The following MYO1A variants were observed in gnomAD, a reference collection of about 807,000 sequenced individuals.
The protein encoded by MYO1A is unconventional myosin-Ia.
Under a neutral mutation model 138.5 loss-of-function variants are expected in MYO1A, and 127 were observed. The ratio of observed to expected loss-of-function variants is 0.92; its 90% CI spans 0.79 to 1.06. The LOEUF (loss-of-function observed/expected upper bound fraction) is 1.06, where lower values mean the gene tolerates loss of function less well. MYO1A is among the 50% of genes least tolerant of loss of function. MYO1A has a pLI of 0.00. For missense variants in MYO1A, 1,211 were observed against 1,288.8 expected (o/e 0.94, Z 0.92); for synonymous variants, 477 against 497.5 (o/e 0.96, Z 0.55).
chr12:57,043,396 A>T, intron 10 of MYO1A, 38 bp from the exon 11 acceptor site: 1 of 1,591,338 alleles, frequency 6.3e-7, no homozygotes, highest in Non-Finnish European at 8.6e-7. Flanking sequence ...CCTTAGAGGC[A>T]GCTTTCTCTC....
chr12:57,029,350 G>A, intron 26 of MYO1A, 85 bp downstream of exon 26: 1 of 1,613,004 alleles, frequency 6.2e-7, no homozygotes, highest in Non-Finnish European at 8.5e-7. Flanking sequence ...CGAAAGGTCT[G>A]GTCCCCATCA....
Position 57,037,543 on chromosome 12 carries a change from C to T in MYO1A, c.2055+5G>A. 4.3e-6 allele frequency: 7 copies of T among 1,613,802 alleles called. No homozygotes were observed. The highest frequency in any genetic ancestry group is 5.1e-6 in the Non-Finnish European group (6 of 1,179,690). Reference sequence around the variant, plus strand: ...CACCAAATGCTAATGCACTCTCTAACTCACAGTCTTGGGGCTTCTAATGAA... The same window carrying T: ...CACCAAATGCTAATGCACTCTCTAATTCACAGTCTTGGGGCTTCTAATGAA... On this transcript the variant is annotated splice_donor_5th_base_variant and intron_variant, in intron 19 of 27. Coordinates refer to ENST00000300119, the MANE Select transcript of MYO1A (RefSeq NM_005379.4).
intron 22 of MYO1A, among the ~76,000 whole-genome samples, chr12:57,035,113 T>C (rs1168508898): frequency 6.6e-6 from 1 of 151,982 alleles, no homozygotes; most frequent in Non-Finnish European, 1.5e-5. Context: ...GGGGGTGTGA[T>C]TTATTGAGAC....
At chr12:57,041,542 A>C (rs1261437353) in intron 12 of MYO1A, 45 bp from the exon 13 acceptor site, 1 of 1,529,710 alleles carries the variant, frequency 6.5e-7, no homozygotes, top group Non-Finnish European at 9.1e-7. Flanking sequence ...CCCCCTCTGC[A>C]CACCAGGCCA....
chr12:57,029,432 T>A lies in MYO1A; in HGVS notation c.2877+3A>T. 6.2e-7 allele frequency: 1 copy of A among 1,614,098 alleles called. No individual in the cohort carries two copies. The highest frequency in any genetic ancestry group is 1.3e-5 in the African/African-American group (1 of 75,032). On this transcript the variant is annotated splice_donor_region_variant and intron_variant, in intron 26 of 27. Transcript: ENST00000300119. ...CAAGGCTTGCCCCACCCAGCTCTGA[T>A]ACCTCACTCAGATGCAAGCTAAAGA...
At chr12:57,030,098 G>A (rs1241883213) in intron 24 of MYO1A, 112 bp downstream of exon 24, 4 of 1,245,188 alleles carry the variant, frequency 3.2e-6, no homozygotes, top group South Asian at 1.2e-5. Context: ...AGACTCTGAG[G>A]AGGGACACAG....
Position 57,041,423 on chromosome 12 carries a change from C to T in MYO1A, c.1164+9G>A. 1.9e-6 allele frequency: 3 copies of T among 1,608,622 alleles called. No homozygotes were observed. The East Asian group carries it at 6.7e-5, about 36-fold the overall frequency. On this transcript the variant is annotated intron_variant, in intron 13 of 27. Transcript: ENST00000300119. ...AGGGGAGCAGGGTGCTGAGGTGAGG[C>T]ACTCTCACCTCTAATATCTCAAAAC...
At chr12:57,040,635 G>C (rs143914494) in intron 14 of MYO1A, among the ~76,000 whole-genome samples, 3 of 152,302 alleles carry the variant, frequency 2.0e-5, no homozygotes, top group Non-Finnish European at 4.4e-5. Context: ...GCTCACAAGG[G>C]AACATCCCTG....
Position 57,029,245 on chromosome 12 carries a change from G to T in MYO1A, c.2892C>A (p.Gly964=), listed in dbSNP as rs145060852. The T allele has an allele frequency of 1.2e-6, 2 of 1,614,002 alleles. No homozygotes were observed. Among genetic ancestry groups the T allele is most frequent in the South Asian group, 2.2e-5 (2 of 91,056 alleles). ...SLHLSEMSSV[G]SKGDFLLVSE... ...TGACCAGCAGGAAGTCCCCCTTGGA[G>T]CCCACCGATGACATCTTAGGAAGAG... The change falls in exon 27 of 28, where the codon GGC becomes GGA. Residue 964 remains glycine, a synonymous_variant. Coordinates refer to ENST00000300119, the MANE Select transcript of MYO1A (RefSeq NM_005379.4).
intron 1 of MYO1A, among the ~76,000 whole-genome samples, chr12:57,049,508 C>G (rs73114468): frequency 0.09 from 13,731 of 152,130 alleles, 642 homozygotes; most frequent in East Asian, 0.18. Context: ...TTGTCACTTA[C>G]CAGAAGGACA....
chr12:57,034,815 A>G (rs1445464104), intron 22 of MYO1A, among the ~76,000 whole-genome samples: 2 of 152,142 alleles, frequency 1.3e-5, no homozygotes, highest in African/African-American at 4.8e-5. Context: ...CTAAAAATAC[A>G]AAAATTAGCT....
chr12:57,039,016 C>A lies in MYO1A; in HGVS notation c.1333-7G>T. On this transcript the variant is annotated splice_region_variant and splice_polypyrimidine_tract_variant and intron_variant, in intron 15 of 27. Transcript: ENST00000300119. Reference sequence around the variant, plus strand: ...CCAGGATACCTCGCTGATTCTGGGCCGGGGGAACAAAAGAAGCCCAACCTA... The same window carrying A: ...CCAGGATACCTCGCTGATTCTGGGCAGGGGGAACAAAAGAAGCCCAACCTA... 6.2e-7 allele frequency: 1 copy of A among 1,612,102 alleles called. No individual in the cohort carries two copies. Among genetic ancestry groups the A allele is most frequent in the Non-Finnish European group, 8.5e-7 (1 of 1,179,006 alleles).
rs1480863134 is a variant in MYO1A at position 57,031,126 on chromosome 12, C to T, written c.2398G>A (p.Val800Ile). ...GCGGCTGGCCATGTCTTGTCTAAGA[C>T]GTTTGTGGATGGCAAATTGTTCTTC... ...GLKNNLPSTN[V>I]LDKTWPAAPY... The change falls in exon 23 of 28, where the codon GTC (valine) becomes ATC (isoleucine). Residue 800 changes from valine (V) to isoleucine (I), a missense_variant. Coordinates refer to ENST00000300119, the MANE Select transcript of MYO1A (RefSeq NM_005379.4). 5.0e-6 allele frequency: 8 copies of T among 1,614,084 alleles called. No individual in the cohort carries two copies. The highest frequency in any genetic ancestry group is 2.2e-5 in the East Asian group (1 of 44,886).
At chr12:57,037,846 C>T (rs1412328098) in intron 18 of MYO1A, 23 bp downstream of exon 18, 5 of 1,612,752 alleles carry the variant, frequency 3.1e-6, no homozygotes, top group East Asian at 2.2e-5. Context: ...TTCCTGATGC[C>T]CAGTCTCCCC....
chr12:57,029,600 C>G lies in MYO1A; in HGVS notation c.2725-13G>C, dbSNP rs2030166691. The G allele has an allele frequency of 4.3e-6, 7 of 1,614,102 alleles. No individual in the cohort carries two copies. Among genetic ancestry groups the G allele is most frequent in the Non-Finnish European group, 5.9e-6 (7 of 1,180,044 alleles). On this transcript the variant is annotated splice_polypyrimidine_tract_variant and intron_variant, in intron 25 of 27. Coordinates refer to ENST00000300119, the MANE Select transcript of MYO1A (RefSeq NM_005379.4). ...TCCGAGAAGAAGTCTAGGGACGGAACAGGCAAGGGTGAGGAAAGGCAGGAT... is the reference window on the plus strand; with the variant it reads ...TCCGAGAAGAAGTCTAGGGACGGAAGAGGCAAGGGTGAGGAAAGGCAGGAT...
At chr12:57,042,775 G>A (rs2030912474) in intron 12 of MYO1A, among the ~76,000 whole-genome samples, 2 of 152,184 alleles carry the variant, frequency 1.3e-5, no homozygotes, top group South Asian at 4.2e-4. Flanking sequence ...GTTTCTTAGT[G>A]GGCATTTCCA....
At chr12:57,032,652 C>T (rs571782536) in intron 22 of MYO1A, among the ~76,000 whole-genome samples, 237 of 151,858 alleles carry the variant, frequency 1.6e-3, no homozygotes, top group Non-Finnish European at 2.3e-3. Context: ...CACTGCACTC[C>T]AGCTTGGGTG....
intron 18 of MYO1A, 28 bp downstream of exon 18, chr12:57,037,841 G>A: frequency 1.2e-6 from 2 of 1,611,826 alleles, no homozygotes; most frequent in Non-Finnish European, 1.7e-6. Context: ...GCCCTTTCCT[G>A]ATGCCCAGTC....
At position 57,048,334 on chromosome 12, in the gene MYO1A, G is replaced by A. The variant is rs560209125; in HGVS notation, c.-11C>T. The A allele has an allele frequency of 3.4e-4, 549 of 1,593,770 alleles. No individual in the cohort carries two copies. Among genetic ancestry groups the A allele is most frequent in the Admixed American group, 4.8e-4 (29 of 59,940 alleles). On this transcript the variant is annotated 5_prime_UTR_variant, in exon 2 of 28. Transcript: ENST00000300119. ...TTCCAGGAGAGGCATGTCCAGAGGG[G>A]CCACTGATCCTGGGAATAAGAGGCA...
Sources: gnomAD v4.1 joint callset for allele counts (sites outside exome capture counted in the v4.1 genomes callset) on GRCh38, gnomAD v4.1.1 for gene constraint, MANE v1.5 for transcripts, NCBI Gene and HGNC (gene_info 2026-07-23, HGNC 2026-07-21) for gene names.